Variants in TMX3 observed in about 807,000 individuals in gnomAD.
TMX3 encodes thioredoxin related transmembrane protein 3, also known as protein disulfide-isomerase TMX3.
TMX3 carries 40 observed loss-of-function variants against 64.4 expected under a neutral mutation model. The ratio of observed to expected loss-of-function variants is 0.62; its 90% CI spans 0.48 to 0.81. TMX3 has a LOEUF of 0.81. Among genes scored for constraint, TMX3 ranks in the 30% least tolerant of loss-of-function variants. The probability of loss-of-function intolerance (pLI) is 0.00; values close to 1 mark genes in which losing one functional copy is unlikely to be tolerated. For missense variants in TMX3, 497 were observed against 534.5 expected (o/e 0.93, Z 0.69); for synonymous variants, 189 against 175.7 (o/e 1.08, Z -0.60).
At chr18:68,677,297 G>T in intron 15 of TMX3, 104 bp from the exon 16 acceptor site, 2 of 1,300,972 alleles carry the variant, frequency 1.5e-6, no homozygotes, top group Non-Finnish European at 2.1e-6. Flanking sequence ...TTGCTATTCA[G>T]CTTGTTTTTA....
intron 2 of TMX3, among the ~76,000 whole-genome samples, 192 bp downstream of exon 2, chr18:68,713,654 A>G (rs1047494953): frequency 1.3e-5 from 2 of 152,218 alleles, no homozygotes; most frequent in African/African-American, 4.8e-5. Flanking sequence ...AAAGTTTGCC[A>G]CAGTTTTTTG....
chr18:68,713,676 A>G (rs549117620), intron 2 of TMX3, among the ~76,000 whole-genome samples, 170 bp downstream of exon 2: 45 of 152,322 alleles, frequency 3.0e-4, no homozygotes, highest in African/African-American at 1.0e-3. Flanking sequence ...TCTCATAACT[A>G]TTAATAAAAC....
chr18:68,713,583 T>C (rs527353109), intron 2 of TMX3, among the ~76,000 whole-genome samples: 2 of 152,182 alleles, frequency 1.3e-5, no homozygotes, highest in South Asian at 4.1e-4. Flanking sequence ...ACCCATTCAA[T>C]ATAATTAAAG....
chr18:68,709,415 G>A (rs2031039288), intron 4 of TMX3, among the ~76,000 whole-genome samples: 1 of 152,136 alleles, frequency 6.6e-6, no homozygotes, highest in South Asian at 2.1e-4. Context: ...TTCTGCCATG[G>A]AGGCACAGAA....
At chr18:68,695,316 T>C (rs1249033990) in intron 8 of TMX3, among the ~76,000 whole-genome samples, 1 of 152,212 alleles carries the variant, frequency 6.6e-6, no homozygotes, top group East Asian at 1.9e-4. Context: ...CTATTTCTTC[T>C]CACTTTCCTT....
chr18:68,685,114 C>T (rs1255994219), intron 10 of TMX3, among the ~76,000 whole-genome samples: 1 of 152,174 alleles, frequency 6.6e-6, no homozygotes, highest in Non-Finnish European at 1.5e-5. Flanking sequence ...GAACGCCAAA[C>T]ACTGCCATCA....
intron 8 of TMX3, among the ~76,000 whole-genome samples, chr18:68,691,931 A>G (rs1395577339): frequency 6.6e-6 from 1 of 152,014 alleles, no homozygotes; most frequent in Non-Finnish European, 1.5e-5. Context: ...CAGAAGACAA[A>G]TAATTTGAGT....
rs529933180 is a variant in TMX3, at chr18:68,691,004, T to G, written c.637+291A>C. 3.2e-5 allele frequency: 10 copies of G among 310,198 alleles called. No individual in the cohort carries two copies. In the South Asian group the frequency reaches 1.3e-3, roughly 41 times the overall value. 19.2% of individuals were successfully genotyped at this position (310,198 alleles called of 1,614,324 possible). ...AATGTTACTTCAAAAAAATGAATTC[T>G]GAACATTTTAAAGTAATGTATAAAA... On this transcript the variant is annotated intron_variant, in intron 9 of 15. Coordinates refer to ENST00000299608, the MANE Select transcript of TMX3 (RefSeq NM_019022.5).
chr18:68,698,963 A>G (rs1444883010), intron 6 of TMX3, among the ~76,000 whole-genome samples: 1 of 151,604 alleles, frequency 6.6e-6, no homozygotes, highest in Non-Finnish European at 1.5e-5. Flanking sequence ...CGGAGCTTGC[A>G]GTGAGCCGAG....
intron 11 of TMX3, 61 bp downstream of exon 11, chr18:68,684,367 T>C: frequency 6.5e-7 from 1 of 1,539,494 alleles, no homozygotes; most frequent in Non-Finnish European, 9.0e-7. Context: ...ATCAAGTCTA[T>C]CTAAAGCCAT....
At position 68,676,997 on chromosome 18, in the gene TMX3, C is replaced by T; in HGVS notation, c.1301G>A (p.Ser434Asn). The T allele has an allele frequency of 6.2e-7, 1 of 1,613,850 alleles. No individual in the cohort carries two copies. Among genetic ancestry groups the T allele is most frequent in the Non-Finnish European group, 8.5e-7 (1 of 1,179,824 alleles). ...CACTGTAGGCACTACAGATCCTCCACTGCTGGGCTCCTGCTGTTCTTTGCT... is the reference window on the plus strand; with the variant it reads ...CACTGTAGGCACTACAGATCCTCCATTGCTGGGCTCCTGCTGTTCTTTGCT... ...EESKEQQEPSSGGSVVPTVQE... is the reference protein window; with the variant it reads ...EESKEQQEPSNGGSVVPTVQE... The change falls in exon 16 of 16, where the codon AGT becomes AAT. Residue 434 changes from serine to asparagine, a missense_variant. Transcript: ENST00000299608.
chr18:68,682,641 C>T (rs309215), intron 13 of TMX3, among the ~76,000 whole-genome samples: 20,207 of 151,760 alleles, frequency 0.13, 4,034 homozygotes, highest in African/African-American at 0.43. Context: ...TAAGTAGAAG[C>T]CATGAAATTT....
chr18:68,688,836 A>C (rs1914221747), intron 9 of TMX3: 1 of 152,200 alleles, frequency 6.6e-6, no homozygotes, highest in African/African-American at 2.4e-5. Flanking sequence ...GCAAGTTCTC[A>C]TTTATAAGTG....
intron 13 of TMX3, among the ~76,000 whole-genome samples, chr18:68,682,485 AT>A (rs1913530536): frequency 6.6e-6 from 1 of 152,160 alleles, no homozygotes; most frequent in Admixed American, 6.6e-5. Context: ...CTTTATATAA[AT>A]TTTAAACAGA....
rs942972322 is a variant in TMX3 at position 68,674,906 on chromosome 18, A to T, written c.*2027T>A. 6.6e-6 allele frequency: 1 copy of T among 152,158 alleles called. No individual in the cohort carries two copies. The highest frequency in any genetic ancestry group is 2.4e-5 in the African/African-American group (1 of 41,444). The allele number at this position is 152,158 out of a possible 1,614,324, so 9.4% of individuals were successfully genotyped here. On this transcript the variant is annotated 3_prime_UTR_variant, in exon 16 of 16. Coordinates refer to ENST00000299608, the MANE Select transcript of TMX3 (RefSeq NM_019022.5). Reference sequence around the variant, plus strand: ...GAACTGAGGCATTCATTTATAAACAACATCACAGAATATAAACGAAGATCA... The same window carrying T: ...GAACTGAGGCATTCATTTATAAACATCATCACAGAATATAAACGAAGATCA...
At chr18:68,678,801 TAAC>T (rs1913164480) in intron 15 of TMX3, among the ~76,000 whole-genome samples, 1 of 151,850 alleles carries the variant, frequency 6.6e-6, no homozygotes, top group Admixed American at 6.6e-5. Context: ...TACTTACATA[TAAC>T]AACTGTGAAT....
chr18:68,675,161 T>C lies in TMX3; in HGVS notation c.*1772A>G, dbSNP rs986830930. On this transcript the variant is annotated 3_prime_UTR_variant, in exon 16 of 16. Transcript: ENST00000299608. ...AGGTATCCGTACTCATCTAAGCTTT[T>C]CACTACTGCAAAACAAGCTTGACTA... 1.3e-5 allele frequency: 2 copies of C among 152,160 alleles called. No individual in the cohort carries two copies. Among genetic ancestry groups the C allele is most frequent in the African/African-American group, 4.8e-5 (2 of 41,444 alleles). 9.4% of individuals were successfully genotyped at this position (152,160 alleles called of 1,614,324 possible).
At position 68,687,732 on chromosome 18, in the gene TMX3, T is replaced by A. The variant is rs984415993; in HGVS notation, c.671A>T (p.Asn224Ile). The change falls in exon 10 of 16, where the codon AAC becomes ATC. Residue 224 changes from asparagine to isoleucine, a missense_variant. Around this residue, in one of 3 missense-constraint regions of TMX3, gnomAD observed 360 missense variants for 383.5 expected, o/e 0.94. Transcript: ENST00000299608. ...YEDGDLSSWI[N>I]RERFQNYLAM... ...AAGGTAATTCTGAAACCTTTCCCTG[T>A]TGATCCATGATGACAGATCACCATC... is the stretch of plus-strand genomic sequence containing the variant. 2 of 1,612,348 alleles carry A rather than the reference T, an allele frequency of 1.2e-6. No homozygotes were observed. The highest frequency in any genetic ancestry group is 2.7e-5 in the African/African-American group (2 of 74,854).
At chr18:68,706,785 C>G (rs1300824593) in intron 4 of TMX3, among the ~76,000 whole-genome samples, 1 of 152,164 alleles carries the variant, frequency 6.6e-6, no homozygotes, top group East Asian at 1.9e-4. Flanking sequence ...TTTCAACTGC[C>G]TTAAAAATTT....
Sources: gnomAD v4.1 joint callset for allele counts (sites outside exome capture counted in the v4.1 genomes callset) on GRCh38, gnomAD v4.1.1 for gene constraint, gnomAD v4.1.1 regional missense constraint, MANE v1.5 for transcripts, NCBI Gene and HGNC (gene_info 2026-07-23, HGNC 2026-07-21) for gene names.